PRICKLE2: variants seen among roughly 807,000 people sequenced by gnomAD.
PRICKLE2 encodes prickle-like protein 2.
In PRICKLE2, 21 loss-of-function variants were observed where a neutral mutation model predicts 81.4. The ratio of observed to expected loss-of-function variants is 0.26; its 90% CI spans 0.18 to 0.37. The LOEUF (loss-of-function observed/expected upper bound fraction) is 0.37, where lower values mean the gene tolerates loss of function less well. Among genes scored for constraint, PRICKLE2 ranks in the 10% least tolerant of loss-of-function variants. The pLI, the probability that PRICKLE2 is intolerant of heterozygous loss-of-function variation, is 1.00. For synonymous variants in PRICKLE2, 456 were observed against 421.5 expected (o/e 1.08, Z -1.00); for missense variants, 940 against 1,109.0 (o/e 0.85, Z 2.16).
rs1575530550 is a variant in PRICKLE2 at position 64,099,303 on chromosome 3, A to G, written c.2283T>C (p.Phe761=). Reference sequence around the variant, plus strand: ...CGAAGTAGGGTCCCCAGCGGTCCCCAAAGGCATTCTGCAAAGCCAGGTCCG... The same window carrying G: ...CGAAGTAGGGTCCCCAGCGGTCCCCGAAGGCATTCTGCAAAGCCAGGTCCG... ...TVSDLALQNA[F]GDRWGPYFAE... Residue 761 remains phenylalanine (F), a synonymous_variant, in exon 8 of 8, where the codon TTT becomes TTC. Coordinates refer to ENST00000638394, the MANE Select transcript of PRICKLE2 (RefSeq NM_198859.4). The surrounding 1 kb of genome is among the most constrained non-coding windows in gnomAD (Gnocchi z 4.3). The G allele has an allele frequency of 1.9e-6, 3 of 1,614,236 alleles. No homozygotes were observed. Among genetic ancestry groups the G allele is most frequent in the Non-Finnish European group, 2.5e-6 (3 of 1,180,040 alleles).
At chr3:64,249,959 A>G (rs1047618626) in intron 2 of PRICKLE2, among the ~76,000 whole-genome samples, 1 of 152,216 alleles carries the variant, frequency 6.6e-6, no homozygotes, top group African/African-American at 2.4e-5. Flanking sequence ...ATGGTTTGAC[A>G]GAAGCTTAAT....
chr3:64,131,541 G>A (rs1417459928), intron 7 of PRICKLE2, among the ~76,000 whole-genome samples: 1 of 152,222 alleles, frequency 6.6e-6, no homozygotes, highest in Non-Finnish European at 1.5e-5. Flanking sequence ...GTTTACTTAA[G>A]GAAAGGTTTT....
At chr3:64,222,358 G>C (rs1207633730) in intron 1 of PRICKLE2, among the ~76,000 whole-genome samples, 1 of 152,150 alleles carries the variant, frequency 6.6e-6, no homozygotes, top group Non-Finnish European at 1.5e-5. Flanking sequence ...GAGTTTCTTG[G>C]GAAAGAATTT....
At chr3:64,115,489 A>G (rs1408242951) in intron 7 of PRICKLE2, among the ~76,000 whole-genome samples, 1 of 152,180 alleles carries the variant, frequency 6.6e-6, no homozygotes, top group African/African-American at 2.4e-5. Flanking sequence ...GCTCAAAATA[A>G]AGAGATAGAG....
chr3:64,240,495 TC>T (rs1180493163), intron 2 of PRICKLE2, among the ~76,000 whole-genome samples: 8 of 152,186 alleles, frequency 5.3e-5, no homozygotes, highest in African/African-American at 1.9e-4. Flanking sequence ...TCTGCAGGAC[TC>T]CCGGGATCCA....
rs949245293 is a variant in PRICKLE2 at position 64,147,158 on chromosome 3, C to T, written c.1332G>A (p.Lys444=). The change falls in exon 7 of 8, where the codon AAG becomes AAA. Residue 444 remains lysine (K), a synonymous_variant. Coordinates refer to ENST00000638394, the MANE Select transcript of PRICKLE2 (RefSeq NM_198859.4). This position sits in a 1 kb window ranked among gnomAD's most constrained non-coding sequence, Gnocchi z 5.0. ...GAGAQPEMWG[K]HFSNPKRSSS... is the part of the protein sequence containing the mutation. ...AGCTCCTTTTGGGGTTGCTGAAGTG[C>T]TTGCCCCACATTTCGGGCTGGGCCC... The T allele has an allele frequency of 8.7e-6, 14 of 1,614,034 alleles. No homozygotes were observed. In the Admixed American group the frequency reaches 2.2e-4, roughly 25 times the overall value.
chr3:64,116,570 C>G (rs1376868771), intron 7 of PRICKLE2, among the ~76,000 whole-genome samples: 3 of 152,184 alleles, frequency 2.0e-5, no homozygotes, highest in Non-Finnish European at 4.4e-5. Flanking sequence ...ATGAACACCT[C>G]TATGTACATA....
intron 2 of PRICKLE2, among the ~76,000 whole-genome samples, chr3:64,242,983 C>T (rs1375078898): frequency 6.6e-6 from 1 of 152,142 alleles, no homozygotes; most frequent in Non-Finnish European, 1.5e-5. Flanking sequence ...AAACAGGAGG[C>T]CTAAGAGTTT....
Position 64,100,401 on chromosome 3 carries a change from G to A in PRICKLE2, c.1661-476C>T, listed in dbSNP as rs928194688. On this transcript the variant is annotated intron_variant, in intron 7 of 7. Transcript: ENST00000638394. ...CCAAACACTGGTTCCACAATATTGG[G>A]CCAGTTCACTTCTCTGTTAGCCCGC... 4.9e-5 allele frequency: 8 copies of A among 163,198 alleles called. 1 individual carries two copies. In the East Asian group the frequency reaches 1.4e-3, roughly 28 times the overall value. 10.1% of individuals were successfully genotyped at this position (163,198 alleles called of 1,614,324 possible).
chr3:64,125,103 A>T (rs968149504), intron 7 of PRICKLE2, among the ~76,000 whole-genome samples: 1 of 152,206 alleles, frequency 6.6e-6, no homozygotes, highest in African/African-American at 2.4e-5. Context: ...TCTAACCCTC[A>T]TGGATAACTT....
intron 7 of PRICKLE2, among the ~76,000 whole-genome samples, chr3:64,130,365 G>C (rs161660): frequency 0.47 from 71,494 of 152,012 alleles, 17,463 homozygotes; most frequent in East Asian, 0.83. Flanking sequence ...TCAGAGTTTA[G>C]ATAACTTGCC....
intron 1 of PRICKLE2, among the ~76,000 whole-genome samples, chr3:64,218,269 A>G (rs2107145280): frequency 6.6e-6 from 1 of 152,340 alleles, no homozygotes; most frequent in Admixed American, 6.5e-5. Context: ...TATAAATCAG[A>G]ACATTTTTTA....
intron 7 of PRICKLE2, among the ~76,000 whole-genome samples, chr3:64,109,846 G>A (rs890048125): frequency 3.3e-5 from 5 of 152,180 alleles, no homozygotes; most frequent in Non-Finnish European, 7.4e-5. Flanking sequence ...CATTATAATG[G>A]GACTAGAATC....
chr3:64,171,116 C>T (rs936793227), intron 2 of PRICKLE2, among the ~76,000 whole-genome samples: 3 of 152,114 alleles, frequency 2.0e-5, no homozygotes, highest in Non-Finnish European at 2.9e-5. Context: ...CAGCCATTCC[C>T]TCGGCCTGAA....
intron 2 of PRICKLE2, among the ~76,000 whole-genome samples, chr3:64,179,589 C>T (rs1211122317): frequency 6.6e-6 from 1 of 152,146 alleles, no homozygotes; most frequent in Non-Finnish European, 1.5e-5. Context: ...CTCAGCTGGC[C>T]ATGTATGCAT....
chr3:64,136,200 G>C (rs1311285261), intron 7 of PRICKLE2, among the ~76,000 whole-genome samples: 2 of 151,986 alleles, frequency 1.3e-5, no homozygotes, highest in African/African-American at 4.8e-5. Flanking sequence ...TGTCTCAGCA[G>C]GAGGCTAGAC....
At chr3:64,208,697 CTTAAT>C in intron 1 of PRICKLE2, among the ~76,000 whole-genome samples, 1 of 152,298 alleles carries the variant, frequency 6.6e-6, no homozygotes, top group East Asian at 1.9e-4. Flanking sequence ...ATAATTTTCA[CTTAAT>C]TTATCTCATT....
At chr3:64,224,769 GC>G (rs1276351097) in intron 1 of PRICKLE2, 140 bp downstream of exon 1, 2 of 288,176 alleles carry the variant, frequency 6.9e-6, no homozygotes, top group African/African-American at 4.6e-5. Context: ...GGGTCGCAGG[GC>G]CACCAAAAAT....
chr3:64,159,239 C>A (rs535249544), intron 4 of PRICKLE2, among the ~76,000 whole-genome samples: 2 of 152,116 alleles, frequency 1.3e-5, no homozygotes, highest in African/African-American at 4.8e-5. Flanking sequence ...CAACATGACT[C>A]GGAAGGGCTT....
Sources: gnomAD v4.1 joint callset for allele counts (sites outside exome capture counted in the v4.1 genomes callset) on GRCh38, gnomAD v4.1.1 for gene constraint, Gnocchi (gnomAD v3.1) non-coding constraint, MANE v1.5 for transcripts, NCBI Gene and HGNC (gene_info 2026-07-23, HGNC 2026-07-21) for gene names.